The following ANKRD30A variants were observed in gnomAD, a reference collection of about 807,000 sequenced individuals.
ANKRD30A encodes the protein ankyrin repeat domain 30A.
ANKRD30A carries 170 observed loss-of-function variants against 166.3 expected under a neutral mutation model. That is an observed-to-expected ratio of 1.02 (90% CI 0.90 to 1.16). ANKRD30A has a LOEUF of 1.16. Ranked by LOEUF, ANKRD30A falls within the 50% of genes most tolerant of loss-of-function variation. ANKRD30A has a pLI of 0.00. For missense variants in ANKRD30A, 1,630 were observed against 1,518.0 expected (o/e 1.07, Z -1.23); for synonymous variants, 564 against 508.9 (o/e 1.11, Z -1.46).
the ANKRD30A span, chr10:37,240,953 A>C: frequency 1.3e-5 from 2 of 152,162 alleles, no homozygotes; most frequent in Non-Finnish European, 1.5e-5. Flanking sequence ...ATGAATAAAG[A>C]ATGAGAAAAC....
chr10:37,140,218 A>C (rs1837006235), intron 6 of ANKRD30A, among the ~76,000 whole-genome samples: 1 of 152,228 alleles, frequency 6.6e-6, no homozygotes, highest in East Asian at 1.9e-4. Context: ...TGCAGTGGCA[A>C]AGGAAAAGAA....
chr10:37,234,306 TA>T (rs971265611), downstream of ANKRD30A, among the ~76,000 whole-genome samples: 2 of 152,164 alleles, frequency 1.3e-5, no homozygotes, highest in African/African-American at 2.4e-5. Flanking sequence ...ATTGGTTCTT[TA>T]AAAAATTATA....
At chr10:37,231,408 A>G in intron 34 of ANKRD30A, 53 bp from the exon 35 acceptor site, 1 of 1,490,132 alleles carries the variant, frequency 6.7e-7, no homozygotes, top group Non-Finnish European at 9.1e-7. Context: ...TCCTTTTCTA[A>G]TTATGTAGGA....
Position 37,219,581 on chromosome 10 carries a change from A to G in ANKRD30A, c.3869A>G (p.Glu1290Gly). 1.2e-6 allele frequency: 2 copies of G among 1,610,406 alleles called. No homozygotes were observed. Among genetic ancestry groups the G allele is most frequent in the South Asian group, 1.1e-5 (1 of 90,958 alleles). The change falls in exon 34 of 36, where the codon GAA (glutamate) becomes GGA (glycine). Residue 1290 changes from glutamate to glycine, a missense_variant. This residue lies in a region of ANKRD30A where 712 missense variants were observed against 629.3 expected (regional missense o/e 1.13). Coordinates refer to ENST00000361713, the MANE Select transcript of ANKRD30A (RefSeq NM_052997.3). ...GAACATGCACAAAGAGACCAACGTG[A>G]AACACAGTGTCAAATGAAGGAAGCT... ...VSEHAQRDQR[E>G]TQCQMKEAEH...
At chr10:37,206,926 A>G (rs558504062) in intron 31 of ANKRD30A, among the ~76,000 whole-genome samples, 105 of 152,298 alleles carry the variant, frequency 6.9e-4, no homozygotes, top group African/African-American at 2.5e-3. Context: ...TAAATATTAT[A>G]CTGATTTCAA....
intron 25 of ANKRD30A, among the ~76,000 whole-genome samples, chr10:37,191,221 T>C (rs1191122908): frequency 1.3e-5 from 2 of 151,886 alleles, no homozygotes; most frequent in Non-Finnish European, 2.9e-5. Flanking sequence ...TTGAGATGAG[T>C]AAGCTAGAAA....
the ANKRD30A span, among the ~76,000 whole-genome samples, chr10:37,258,109 G>C: frequency 3.9e-5 from 6 of 152,260 alleles, no homozygotes; most frequent in African/African-American, 1.4e-4. Flanking sequence ...TTCTGCACAT[G>C]TATCCCAGAA....
chr10:37,167,063 GT>G (rs2132614392), intron 19 of ANKRD30A, among the ~76,000 whole-genome samples: 1 of 152,186 alleles, frequency 6.6e-6, no homozygotes, highest in South Asian at 2.1e-4. Context: ...TGAAATGATT[GT>G]TTAGGAAAGA....
intron 6 of ANKRD30A, 124 bp from the exon 7 acceptor site, chr10:37,141,589 AAAAAG>A: frequency 2.3e-6 from 3 of 1,323,566 alleles, no homozygotes; most frequent in Non-Finnish European, 3.0e-6. Context: ...AAAAAAAAAA[AAAAAG>A]AGAAAAGAAA....
chr10:37,259,614 A>T, the ANKRD30A span, among the ~76,000 whole-genome samples: 2 of 152,250 alleles, frequency 1.3e-5, no homozygotes, highest in Non-Finnish European at 2.9e-5. Flanking sequence ...GGTAGAATGG[A>T]TGACTAAATT....
rs1835959300 is a variant in ANKRD30A at position 37,125,767 on chromosome 10, C to T, written c.-21C>T. On this transcript the variant is annotated 5_prime_UTR_variant, in exon 1 of 36. Transcript: ENST00000361713. ...AGGGCGATCGGGAGGCGCGGGCACT[C>T]TCTAGCAGGTGGCCGCAGCCATGGA... The T allele has an allele frequency of 8.0e-6, 5 of 621,578 alleles. No homozygotes were observed. Among genetic ancestry groups the T allele is most frequent in the South Asian group, 7.7e-5 (4 of 52,156 alleles). The allele number at this position is 621,578 out of a possible 1,614,324, so 38.5% of individuals were successfully genotyped here. A position where few individuals can be genotyped will look rare whatever the true frequency, so the allele number is the denominator to read the frequency against.
At chr10:37,224,564 T>G (rs907948339) in intron 34 of ANKRD30A, among the ~76,000 whole-genome samples, 3 of 151,288 alleles carry the variant, frequency 2.0e-5, no homozygotes, top group Non-Finnish European at 4.4e-5. Context: ...TGAGTAATTG[T>G]GTTTTTGCCA....
intron 25 of ANKRD30A, among the ~76,000 whole-genome samples, chr10:37,192,813 C>T (rs1320953302): frequency 6.6e-6 from 1 of 151,520 alleles, no homozygotes; most frequent in South Asian, 2.1e-4. Context: ...GTTATTGTCA[C>T]CTTAAATATA....
At chr10:37,228,118 A>T (rs989464110) in intron 34 of ANKRD30A, among the ~76,000 whole-genome samples, 1 of 151,992 alleles carries the variant, frequency 6.6e-6, no homozygotes, top group Non-Finnish European at 1.5e-5. Context: ...TTTTGGAATA[A>T]ATATTTTATG....
intron 31 of ANKRD30A, among the ~76,000 whole-genome samples, chr10:37,204,085 T>C (rs1018903282): frequency 6.6e-6 from 1 of 152,194 alleles, no homozygotes; most frequent in Non-Finnish European, 1.5e-5. Flanking sequence ...ATGGATTCAA[T>C]GCCATCCCCA....
intron 14 of ANKRD30A, 28 bp downstream of exon 14, chr10:37,158,448 G>A (rs1225911155): frequency 6.2e-7 from 1 of 1,612,322 alleles, no homozygotes; most frequent in East Asian, 2.2e-5. Flanking sequence ...TTTGTCTTGA[G>A]TATCAACTAC....
At chr10:37,193,015 C>G (rs1310466766) in intron 25 of ANKRD30A, 49 bp from the exon 26 acceptor site, 2 of 1,590,824 alleles carry the variant, frequency 1.3e-6, no homozygotes, top group African/African-American at 2.7e-5. Flanking sequence ...GTTCGGTAGG[C>G]TTTGTCAAGC....
At chr10:37,133,577 C>T (rs899151084) in intron 4 of ANKRD30A, among the ~76,000 whole-genome samples, 3 of 152,184 alleles carry the variant, frequency 2.0e-5, no homozygotes, top group African/African-American at 7.2e-5. Context: ...ACTTGTCTGA[C>T]TTCTAGCTGA....
In ANKRD30A at chr10:37,201,311, G is replaced by C. The variant is rs137903346; in HGVS notation, c.2855G>C (p.Ser952Thr). ...ATHQKEMDKI[S>T]GKLEDSTSLS... Reference sequence around the variant, plus strand: ...CATCAAAAAGAAATGGATAAAATAAGTGGAAAATTAGAAGGTAAGAACCAT... The same window carrying C: ...CATCAAAAAGAAATGGATAAAATAACTGGAAAATTAGAAGGTAAGAACCAT... The change falls in exon 31 of 36, where the codon AGT becomes ACT. Residue 952 changes from serine to threonine, a missense_variant. Ser to Thr is a moderately conservative substitution (Grantham distance 58). Transcript: ENST00000361713. The C allele has an allele frequency of 2.8e-5, 45 of 1,585,324 alleles. No individual in the cohort carries two copies. The highest frequency in any genetic ancestry group is 3.7e-5 in the Non-Finnish European group (43 of 1,168,224).
Sources: allele counts gnomAD v4.1 joint callset (sites outside exome capture counted in the v4.1 genomes callset), GRCh38; gene constraint gnomAD v4.1.1; regional missense constraint gnomAD v4.1.1; transcripts MANE v1.5; gene names NCBI Gene and HGNC (gene_info 2026-07-23, HGNC 2026-07-21).